The following RIC1 variants were observed in gnomAD, a reference collection of about 807,000 sequenced individuals.
RIC1 encodes RIC1 partner of RAB6A GEF complex.
RIC1 carries 88 observed loss-of-function variants against 169.0 expected under a neutral mutation model. The observed-to-expected ratio is 0.52, with a 90% CI of 0.44 to 0.62. The LOEUF (loss-of-function observed/expected upper bound fraction) is 0.62, where lower values mean the gene tolerates loss of function less well. Ranked by LOEUF, RIC1 falls within the 20% of genes least tolerant of loss-of-function variation. The probability of loss-of-function intolerance (pLI) is 0.00; values close to 1 mark genes in which losing one functional copy is unlikely to be tolerated. For synonymous variants in RIC1, 790 were observed against 601.5 expected (o/e 1.31, Z -4.59); for missense variants, 1,877 against 1,725.5 (o/e 1.09, Z -1.56).
chr9:5,677,639 A>C (rs1018720996), intron 2 of RIC1, among the ~76,000 whole-genome samples: 3 of 151,816 alleles, frequency 2.0e-5, no homozygotes, highest in African/African-American at 7.3e-5. Context: ...TTCATTTTCA[A>C]AGTTGCTTTT....
chr9:5,708,012 A>T (rs1324009616), intron 3 of RIC1, among the ~76,000 whole-genome samples: 4 of 150,780 alleles, frequency 2.7e-5, no homozygotes, highest in African/African-American at 9.7e-5. Flanking sequence ...TGTTGGTTTG[A>T]TTTTTTTGCA....
At chr9:5,764,597 G>C (rs567711387) in intron 19 of RIC1, among the ~76,000 whole-genome samples, 1 of 152,330 alleles carries the variant, frequency 6.6e-6, no homozygotes, top group East Asian at 1.9e-4. Flanking sequence ...GCCTGAAGCA[G>C]ATTTCCTGTC....
chr9:5,737,364 G>A (rs969670458), intron 7 of RIC1, among the ~76,000 whole-genome samples: 4 of 152,156 alleles, frequency 2.6e-5, no homozygotes, highest in African/African-American at 9.6e-5. Context: ...AAAATAAAAT[G>A]TTTATAAATT....
chr9:5,693,171 C>T (rs979573318), intron 3 of RIC1, among the ~76,000 whole-genome samples: 27 of 152,180 alleles, frequency 1.8e-4, no homozygotes, highest in Non-Finnish European at 3.7e-4. Context: ...TTACTGAGGC[C>T]AGTGGTTAAT....
intron 17 of RIC1, among the ~76,000 whole-genome samples, chr9:5,761,104 CTTTTTTTTTTTTT>C (rs71326188): frequency 2.1e-5 from 2 of 94,666 alleles, no homozygotes; most frequent in African/African-American, 8.5e-5. Context: ...CCAGCCTCAC[CTTTTTTTTTTTTT>C]TTTTTTTTTT....
At chr9:5,682,440 A>C (rs550789769) in intron 2 of RIC1, among the ~76,000 whole-genome samples, 34 of 152,300 alleles carry the variant, frequency 2.2e-4, no homozygotes, top group African/African-American at 7.5e-4. Flanking sequence ...CTGGATATGA[A>C]ATTCTGGGTT....
chr9:5,632,127 G>C (rs756491667), intron 1 of RIC1, among the ~76,000 whole-genome samples: 11 of 152,296 alleles, frequency 7.2e-5, no homozygotes, highest in East Asian at 1.9e-4. Flanking sequence ...AGACATGCTC[G>C]TAGAGATGAT....
At position 5,720,221 on chromosome 9, in the gene RIC1, T is replaced by TGAATAA; in HGVS notation, c.482_483insATAAGA (p.Ser160_Asp161insGluTer). The stretch of plus-strand genomic sequence containing the variant: ...TGGAAGATCTCCTGGTTGCTACTTC[T>TGAATAA]GATGGACTTCTTCATCTTATTCACT... On this transcript the variant is annotated stop_gained and inframe_insertion, in exon 5 of 26. Transcript: ENST00000414202. LOFTEE classifies it high-confidence loss of function. 1 of 1,613,136 alleles carries TGAATAA rather than the reference T, an allele frequency of 6.2e-7. No individual in the cohort carries two copies. The highest frequency in any genetic ancestry group is 8.5e-7 in the Non-Finnish European group (1 of 1,179,070).
rs147041919 is a variant in RIC1, at chr9:5,743,548, A to C, written c.1047-141A>C. 789 of 671,508 alleles carry C rather than the reference A, an allele frequency of 1.2e-3. 4 individuals are homozygous for C. The African/African-American group carries it at 0.013, about 11-fold the overall frequency. The allele number at this position is 671,508 out of a possible 1,614,324, so 41.6% of individuals were successfully genotyped here. ...TATATACACCTAGGTGTATTAACCC[A>C]CAGTTTTGTATTTCATGCATTATTA... On this transcript the variant is annotated intron_variant, in intron 9 of 25. Transcript: ENST00000414202.
At chr9:5,773,193 ATAT>A (rs1342161436) in intron 25 of RIC1, 113 bp downstream of exon 25, 2 of 372,520 alleles carry the variant, frequency 5.4e-6, no homozygotes, top group African/African-American at 2.1e-5. Flanking sequence ...TATTTATTAT[ATAT>A]TATTTATTAT....
At chr9:5,694,012 A>C (rs990636883) in intron 3 of RIC1, among the ~76,000 whole-genome samples, 2 of 152,098 alleles carry the variant, frequency 1.3e-5, no homozygotes, top group African/African-American at 4.8e-5. Flanking sequence ...TCCAAAATAT[A>C]ATCAAATCTC....
chr9:5,682,944 A>T (rs1412293154), intron 2 of RIC1, among the ~76,000 whole-genome samples: 1 of 151,948 alleles, frequency 6.6e-6, no homozygotes, highest in African/African-American at 2.4e-5. Flanking sequence ...CCTTTCTTCC[A>T]GTTGATCGCA....
intron 3 of RIC1, among the ~76,000 whole-genome samples, chr9:5,696,511 CT>C (rs943327642): frequency 7.2e-5 from 11 of 152,248 alleles, no homozygotes; most frequent in Admixed American, 2.6e-4. Flanking sequence ...ATATCCGCCC[CT>C]GTACCCAATA....
rs151076393 is a variant in RIC1, at chr9:5,703,413, A to T, written c.333-10483A>T. 9.3e-3 allele frequency among the ~76,000 whole-genome samples: 1,419 copies of T among 152,244 alleles called. 14 individuals carry two copies. The highest frequency in any genetic ancestry group is 0.044 in the Middle Eastern group (13 of 294). On this transcript the variant is annotated intron_variant, in intron 3 of 25. Transcript: ENST00000414202. The stretch of plus-strand genomic sequence containing the variant: ...AGTGTTTTGTACAACTATCACAATT[A>T]CCTAGTTCCAGAACTTTTACATCAC...
intron 6 of RIC1, among the ~76,000 whole-genome samples, chr9:5,724,255 T>C (rs1217612125): frequency 6.6e-6 from 1 of 152,234 alleles, no homozygotes; most frequent in Non-Finnish European, 1.5e-5. Flanking sequence ...TTTGTAGTTC[T>C]CCTTGAAGAG....
chr9:5,765,375 G>A, intron 19 of RIC1, 39 bp from the exon 20 acceptor site: 2 of 1,581,422 alleles, frequency 1.3e-6, no homozygotes, highest in Non-Finnish European at 8.6e-7. Flanking sequence ...CCCAAATTGT[G>A]TAGTATAAAA....
chr9:5,691,222 T>C (rs892838097), intron 3 of RIC1, among the ~76,000 whole-genome samples: 2 of 151,952 alleles, frequency 1.3e-5, no homozygotes, highest in Non-Finnish European at 2.9e-5. Context: ...CACAAAATTA[T>C]ATATGTAATA....
At position 5,747,469 on chromosome 9, in the gene RIC1, C is replaced by G. The variant is rs777721368; in HGVS notation, c.1416C>G (p.Ser472Arg). The G allele has an allele frequency of 4.3e-6, 7 of 1,613,968 alleles. No individual in the cohort carries two copies. The African/African-American group carries it at 8.0e-5, about 18-fold the overall frequency. Residue 472 changes from serine to arginine, a missense_variant, in exon 12 of 26, where the codon AGC becomes AGG. Physicochemically the swap from Ser to Arg is moderately radical, Grantham distance 110. This residue lies in a region of RIC1 where 1,104 missense variants were observed against 992.0 expected (regional missense o/e 1.11). Transcript: ENST00000414202. ...GAGGTTTAGAGTCTCAGGGATTAAG[C>G]ACTTTACTTGGACATCGGCATTGGC... ...ADGGLESQGL[S>R]TLLGHRHWHV... is the part of the protein sequence containing the mutation.
At chr9:5,747,666 C>T (rs888296467) in intron 12 of RIC1, among the ~76,000 whole-genome samples, 161 bp downstream of exon 12, 6 of 152,214 alleles carry the variant, frequency 3.9e-5, no homozygotes, top group Non-Finnish European at 8.8e-5. Context: ...GTCCTCTAGT[C>T]TTCTCCCTCC....
Sources: gnomAD v4.1 joint callset for allele counts (sites outside exome capture counted in the v4.1 genomes callset) on GRCh38, gnomAD v4.1.1 for gene constraint, gnomAD v4.1.1 regional missense constraint, MANE v1.5 for transcripts, NCBI Gene and HGNC (gene_info 2026-07-23, HGNC 2026-07-21) for gene names.